SNX7: variants seen among roughly 807,000 people sequenced by gnomAD.
The protein encoded by SNX7 is sorting nexin-7.
Under a neutral mutation model 48.4 loss-of-function variants are expected in SNX7, and 35 were observed. The observed-to-expected ratio is 0.72, with a 90% CI of 0.55 to 0.96. The LOEUF (loss-of-function observed/expected upper bound fraction) is 0.96, where lower values mean the gene tolerates loss of function less well. Ranked by LOEUF, SNX7 falls within the 40% of genes least tolerant of loss-of-function variation. The pLI, the probability that SNX7 is intolerant of heterozygous loss-of-function variation, is 0.00. For missense variants in SNX7, 553 were observed against 548.9 expected (o/e 1.01, Z -0.07); for synonymous variants, 190 against 190.2 (o/e 1.00, Z 0.01).
chr1:98,668,343 A>T (rs1279305142), intron 1 of SNX7, among the ~76,000 whole-genome samples: 2 of 152,234 alleles, frequency 1.3e-5, no homozygotes, highest in Non-Finnish European at 2.9e-5. Flanking sequence ...TCTCCATGCC[A>T]CTTCAGAAGA....
chr1:98,744,508 A>G (rs1170968731), intron 8 of SNX7, among the ~76,000 whole-genome samples: 1 of 152,002 alleles, frequency 6.6e-6, no homozygotes, highest in Non-Finnish European at 1.5e-5. Context: ...GAGTCAAATG[A>G]GAGTAGGTAT....
chr1:98,751,809 A>G (rs1013853509), intron 8 of SNX7, among the ~76,000 whole-genome samples: 11 of 152,110 alleles, frequency 7.2e-5, no homozygotes, highest in Non-Finnish European at 1.5e-4. Flanking sequence ...TCAGAAGATT[A>G]TTGCATGAAA....
In SNX7 at chr1:98,703,020, C is replaced by G. The variant is rs575683590; in HGVS notation, c.1125+1117C>G. Among the ~76,000 whole-genome samples, 99 of 152,144 alleles carry G rather than the reference C, an allele frequency of 6.5e-4. 1 individual carries two copies. The highest frequency in any genetic ancestry group is 6.8e-3 in the Middle Eastern group (2 of 294). The stretch of plus-strand genomic sequence containing the variant: ...TTTTCTCCCTAACTTTAATCACTTC[C>G]TAACATATGACTTCCTAATTAGTTT... On this transcript the variant is annotated intron_variant, in intron 7 of 8. Transcript: ENST00000306121.
intron 7 of SNX7, among the ~76,000 whole-genome samples, chr1:98,730,618 CAGAG>C (rs1653461200): frequency 6.6e-6 from 1 of 151,822 alleles, no homozygotes. Flanking sequence ...AGTAGACAAG[CAGAG>C]AGACAAATCA....
At chr1:98,745,215 G>C (rs1654255189) in intron 8 of SNX7, among the ~76,000 whole-genome samples, 1 of 151,996 alleles carries the variant, frequency 6.6e-6, no homozygotes, top group South Asian at 2.1e-4. Context: ...AGGTGTAATA[G>C]ATGGTCTGTA....
At chr1:98,690,944 C>A in intron 2 of SNX7, 131 bp from the exon 3 acceptor site, 1 of 485,280 alleles carries the variant, frequency 2.1e-6, no homozygotes, top group Non-Finnish European at 3.4e-6. Flanking sequence ...TACAGGCTGA[C>A]AAACACTGAA....
intron 1 of SNX7, among the ~76,000 whole-genome samples, chr1:98,679,188 G>C (rs1274021755): frequency 2.0e-5 from 3 of 152,172 alleles, no homozygotes; most frequent in African/African-American, 7.2e-5. Flanking sequence ...ATCTTACATG[G>C]ATGGCAGCAG....
At chr1:98,661,699 G>A (rs1649222857), upstream of SNX7, 31 of 1,202,904 alleles carry the variant, frequency 2.6e-5, no homozygotes, top group Admixed American at 4.4e-5. Flanking sequence ...GCTGGCGGCG[G>A]CGGTGGCGGC....
At chr1:98,716,868 A>G (rs1425888601) in intron 7 of SNX7, among the ~76,000 whole-genome samples, 1 of 152,010 alleles carries the variant, frequency 6.6e-6, no homozygotes, top group Non-Finnish European at 1.5e-5. Context: ...CTTAGATTTC[A>G]TAATAAATTA....
At chr1:98,741,759 T>G (rs895304180) in intron 8 of SNX7, among the ~76,000 whole-genome samples, 1 of 152,116 alleles carries the variant, frequency 6.6e-6, no homozygotes, top group Non-Finnish European at 1.5e-5. Context: ...CCTAACTTTT[T>G]TCTTGAAGGT....
chr1:98,725,475 TG>T (rs1255318839), intron 7 of SNX7, among the ~76,000 whole-genome samples: 6 of 152,184 alleles, frequency 3.9e-5, no homozygotes, highest in Non-Finnish European at 8.8e-5. Flanking sequence ...GTGCCTGGTA[TG>T]GTACTTGGCA....
At chr1:98,737,576 G>T (rs1653849697) in intron 7 of SNX7, among the ~76,000 whole-genome samples, 1 of 152,078 alleles carries the variant, frequency 6.6e-6, no homozygotes, top group African/African-American at 2.4e-5. Flanking sequence ...AAATATAAAA[G>T]AATAAATCAA....
intron 1 of SNX7, among the ~76,000 whole-genome samples, chr1:98,680,238 C>T (rs1386626546): frequency 1.3e-5 from 2 of 152,188 alleles, no homozygotes; most frequent in East Asian, 1.9e-4. Flanking sequence ...CCCCTTTCAG[C>T]CATAGCTGAA....
chr1:98,748,724 A>G (rs1654432016), intron 8 of SNX7, among the ~76,000 whole-genome samples: 2 of 151,906 alleles, frequency 1.3e-5, no homozygotes, highest in African/African-American at 4.8e-5. Context: ...AAAAAATTAA[A>G]GTTGGGTACC....
chr1:98,715,825 TGGCATTAG>T (rs1224728950), intron 7 of SNX7, among the ~76,000 whole-genome samples: 1 of 152,190 alleles, frequency 6.6e-6, no homozygotes, highest in African/African-American at 2.4e-5. Context: ...TACAATATCT[TGGCATTAG>T]ATGTGTTCAT....
chr1:98,701,975 C>A, intron 7 of SNX7, 72 bp downstream of exon 7: 1 of 1,001,916 alleles, frequency 1.0e-6, no homozygotes, highest in Non-Finnish European at 1.5e-6. Flanking sequence ...AATGTCCTTA[C>A]ATGATTGTCC....
intron 8 of SNX7, among the ~76,000 whole-genome samples, chr1:98,743,524 C>A (rs578125869): frequency 2.0e-5 from 3 of 151,948 alleles, no homozygotes; most frequent in Non-Finnish European, 4.4e-5. Flanking sequence ...AGAAAAAAAT[C>A]GTTACAAGGG....
chr1:98,750,942 A>T (rs1215505428), intron 8 of SNX7, among the ~76,000 whole-genome samples: 1 of 152,160 alleles, frequency 6.6e-6, no homozygotes, highest in Non-Finnish European at 1.5e-5. Context: ...ATTACATATG[A>T]TTTCATTTGC....
In SNX7 at chr1:98,683,569, C is replaced by G. The variant is rs956534387; in HGVS notation, c.181-1316C>G. The stretch of plus-strand genomic sequence containing the variant: ...ATAAAGGACCCCAGAGAGACCCTCC[C>G]CCCTTTTACCATGTGAGATTATAGT... On this transcript the variant is annotated intron_variant, in intron 1 of 8. Transcript: ENST00000306121. Among the ~76,000 whole-genome samples the G allele has an allele frequency of 5.3e-5, 8 of 152,208 alleles. No individual in the cohort carries two copies. In the South Asian group the frequency reaches 1.7e-3, roughly 32 times the overall value.
Sources: gnomAD v4.1 joint callset for allele counts (sites outside exome capture counted in the v4.1 genomes callset) on GRCh38, gnomAD v4.1.1 for gene constraint, MANE v1.5 for transcripts, NCBI Gene and HGNC (gene_info 2026-07-23, HGNC 2026-07-21) for gene names.